The following C2CD3 variants were observed in gnomAD, a reference collection of about 807,000 sequenced individuals.
C2CD3 encodes the protein C2 domain-containing protein 3.
A neutral mutation model predicts 234.0 loss-of-function variants in C2CD3; 148 were observed. The observed-to-expected ratio is 0.63, with a 90% CI of 0.55 to 0.72. The LOEUF (loss-of-function observed/expected upper bound fraction) is 0.72, where lower values mean the gene tolerates loss of function less well. Among genes scored for constraint, C2CD3 ranks in the 30% least tolerant of loss-of-function variants. The pLI is 0.00. For missense variants in C2CD3, 2,577 were observed against 2,811.5 expected, an observed-to-expected ratio of 0.92 and a Z score of 1.89; for synonymous variants, 1,000 against 1,035.4, an observed-to-expected ratio of 0.97 and a Z score of 0.66.
intron 32 of C2CD3, 21 bp downstream of exon 32, chr11:74,028,266 G>A (rs1023328989): frequency 1.4e-6 from 2 of 1,477,256 alleles, no homozygotes; most frequent in East Asian, 2.5e-5. Context: ...TAGAAGAAAG[G>A]TCAGTTGGCC....
intron 23 of C2CD3, among the ~76,000 whole-genome samples, chr11:74,076,782 C>T (rs1183585145): frequency 6.6e-6 from 1 of 152,146 alleles, no homozygotes; most frequent in Non-Finnish European, 1.5e-5. Flanking sequence ...TCCCCCTTTC[C>T]TTGACTTATA....
At chr11:74,094,345 T>C (rs970993391) in intron 17 of C2CD3, among the ~76,000 whole-genome samples, 22 of 152,282 alleles carry the variant, frequency 1.4e-4, no homozygotes, top group African/African-American at 4.6e-4. Flanking sequence ...TGGAGAAATG[T>C]CTATTCAGAT....
At chr11:74,091,980 A>G (rs867339582) in intron 19 of C2CD3, among the ~76,000 whole-genome samples, 8 of 152,054 alleles carry the variant, frequency 5.3e-5, no homozygotes, top group African/African-American at 1.9e-4. Context: ...GAGAATCACT[A>G]ATTTAGAGAG....
intron 30 of C2CD3, among the ~76,000 whole-genome samples, chr11:74,034,827 GTTAAC>G (rs2135413914): frequency 6.6e-6 from 1 of 152,334 alleles, no homozygotes; most frequent in East Asian, 1.9e-4. Flanking sequence ...GTTGTCACTT[GTTAAC>G]TTTGTGATCA....
chr11:74,074,126 G>C, intron 24 of C2CD3, 127 bp downstream of exon 24: 2 of 747,440 alleles, frequency 2.7e-6, no homozygotes, highest in Non-Finnish European at 2.1e-6. Flanking sequence ...TAAACCTTTA[G>C]GCTTGAGAAA....
intron 3 of C2CD3, among the ~76,000 whole-genome samples, chr11:74,141,340 CTA>C (rs1958042674): frequency 6.6e-6 from 1 of 152,204 alleles, no homozygotes; most frequent in African/African-American, 2.4e-5. Flanking sequence ...GGGATGAATA[CTA>C]TGTGCAGTGA....
intron 3 of C2CD3, among the ~76,000 whole-genome samples, chr11:74,149,225 A>C (rs1431070401): frequency 1.3e-5 from 2 of 152,212 alleles, no homozygotes; most frequent in Non-Finnish European, 2.9e-5. Context: ...GTAAACACTG[A>C]TTATTGATCT....
Position 74,092,572 on chromosome 11 carries a change from C to T in C2CD3, c.3361G>A (p.Val1121Met), listed in dbSNP as rs148338171. 1.1e-5 allele frequency: 17 copies of T among 1,613,402 alleles called. No homozygotes were observed. The African/African-American group carries it at 2.3e-4, about 22-fold the overall frequency. The part of the protein sequence containing the change: ...EIWCRYYYPN[V>M]RDQKVAKGTL... The stretch of plus-strand genomic sequence containing the variant: ...CCTTTGGCGACCTTCTGGTCTCTCA[C>T]ATTAGGATAATAGTATCTGTAAACC... The change falls in exon 19 of 33, where the codon GTG (valine) becomes ATG (methionine). Residue 1121 changes from valine to methionine, a missense_variant. Coordinates refer to ENST00000334126, the MANE Select transcript of C2CD3 (RefSeq NM_001286577.2).
At chr11:74,060,155 G>A (rs1954164427) in intron 24 of C2CD3, among the ~76,000 whole-genome samples, 1 of 152,214 alleles carries the variant, frequency 6.6e-6, no homozygotes. Context: ...GCAGCTCAAG[G>A]AGGCTTGCCT....
intron 32 of C2CD3, among the ~76,000 whole-genome samples, chr11:74,021,919 A>C (rs1231468849): frequency 1.3e-5 from 2 of 152,192 alleles, no homozygotes; most frequent in African/African-American, 4.8e-5. Flanking sequence ...TGAGGTCAGG[A>C]GTTCGAGACC....
intron 22 of C2CD3, among the ~76,000 whole-genome samples, chr11:74,083,944 T>C (rs1234646355): frequency 6.6e-6 from 1 of 152,152 alleles, no homozygotes; most frequent in Non-Finnish European, 1.5e-5. Context: ...CATGACTGGG[T>C]ATATACCCAA....
intron 3 of C2CD3, among the ~76,000 whole-genome samples, chr11:74,144,192 A>T (rs1174416788): frequency 6.6e-6 from 1 of 152,234 alleles, no homozygotes; most frequent in African/African-American, 2.4e-5. Context: ...AAAGTTCATT[A>T]TACAAATTGG....
intron 32 of C2CD3, among the ~76,000 whole-genome samples, chr11:74,026,119 TG>T (rs768501027): frequency 2.6e-5 from 4 of 152,166 alleles, no homozygotes; most frequent in Non-Finnish European, 5.9e-5. Flanking sequence ...AGATGTAGCC[TG>T]GGCAACACAG....
Position 74,095,334 on chromosome 11 carries a change from A to G in C2CD3, c.3054T>C (p.Pro1018=). The G allele has an allele frequency of 1.2e-6, 2 of 1,613,894 alleles. No homozygotes were observed. Among genetic ancestry groups the G allele is most frequent in the Non-Finnish European group, 1.7e-6 (2 of 1,179,824 alleles). The change falls in exon 17 of 33, where the codon CCT becomes CCC. Residue 1018 remains proline (P), a synonymous_variant. Transcript: ENST00000334126. ...IHIEMVKGLA[P]LQATVWGEAD... ...CTTCTCCCCAGACTGTTGCCTGAAGAGGGGCTAGCCCTTTAACCATCTCTA... is the reference window on the plus strand; with the variant it reads ...CTTCTCCCCAGACTGTTGCCTGAAGGGGGGCTAGCCCTTTAACCATCTCTA...
At chr11:74,123,274 A>G (rs182073393) in intron 7 of C2CD3, 139 bp from the exon 8 acceptor site, 1 of 634,290 alleles carries the variant, frequency 1.6e-6, no homozygotes, top group African/African-American at 1.8e-5. Flanking sequence ...ACAAAAGACT[A>G]CTGAATAAAT....
chr11:74,033,887 T>C lies in C2CD3; in HGVS notation c.6273A>G (p.Ile2091Met). Reference protein sequence around the residue: ...TDKTSPWSSVISDTSEVISPQ... With the variant: ...TDKTSPWSSVMSDTSEVISPQ... ...GGCTGATGACCTCACTTGTGTCTGA[T>C]ATGACACTAGACCAAGGGCTAGTTT... The change falls in exon 31 of 33, where the codon ATA becomes ATG. Residue 2091 changes from isoleucine to methionine, a missense_variant. Ile to Met is a conservative substitution (Grantham distance 10). Transcript: ENST00000334126. 2 of 1,536,230 alleles carry C rather than the reference T, an allele frequency of 1.3e-6. No homozygotes were observed. Among genetic ancestry groups the C allele is most frequent in the Non-Finnish European group, 1.7e-6 (2 of 1,146,926 alleles).
At chr11:74,165,831 T>A (rs1033083841) in intron 2 of C2CD3, among the ~76,000 whole-genome samples, 66 of 151,778 alleles carry the variant, frequency 4.3e-4, no homozygotes, top group African/African-American at 4.3e-4. Flanking sequence ...ATTAAAAAAA[T>A]TTTTTTTTGT....
rs1186182830 is a variant in C2CD3, at chr11:74,085,603, T to A, written c.3910+15A>T. 11 of 1,613,572 alleles carry A rather than the reference T, an allele frequency of 6.8e-6. No homozygotes were observed. Among genetic ancestry groups the A allele is most frequent in the Admixed American group, 1.7e-5 (1 of 59,986 alleles). Reference sequence around the variant, plus strand: ...CTCTTTTAATTTTGATTGTGACAAGTCATATGGTGCTCACCTGACTTGGTA... The same window carrying A: ...CTCTTTTAATTTTGATTGTGACAAGACATATGGTGCTCACCTGACTTGGTA... On this transcript the variant is annotated intron_variant, in intron 21 of 32. Transcript: ENST00000334126.
At position 74,085,797 on chromosome 11, in the gene C2CD3, T is replaced by C; in HGVS notation, c.3731A>G (p.Gln1244Arg). 4 of 1,614,048 alleles carry C rather than the reference T, an allele frequency of 2.5e-6. No individual in the cohort carries two copies. Among genetic ancestry groups the C allele is most frequent in the African/African-American group, 2.7e-5 (2 of 75,006 alleles). ...AGGGTGGGTTCGGCGCTGTTCTCCC[T>C]GGGGCAGGAAGGAGAGATGAGTGGT... ...SVTTHLSFLP[Q>R]GEQRRTHPVA... The change falls in exon 21 of 33, where the codon CAG becomes CGG. Residue 1244 changes from glutamine (Q) to arginine (R), a missense_variant. Physicochemically the swap from Gln to Arg is conservative, Grantham distance 43 (BLOSUM62 1). Coordinates refer to ENST00000334126, the MANE Select transcript of C2CD3 (RefSeq NM_001286577.2).
Sources: allele counts gnomAD v4.1 joint callset (sites outside exome capture counted in the v4.1 genomes callset), GRCh38; gene constraint gnomAD v4.1.1; transcripts MANE v1.5; gene names NCBI Gene and HGNC (gene_info 2026-07-23, HGNC 2026-07-21).